The following CMIP variants were observed in gnomAD, a reference collection of about 807,000 sequenced individuals.
CMIP encodes c-Maf inducing protein, also known as C-Maf-inducing protein.
In CMIP, 13 loss-of-function variants were observed where a neutral mutation model predicts 97.3. The observed-to-expected ratio is 0.13, with a 90% CI of 0.09 to 0.21. CMIP has a LOEUF of 0.21. Ranked by LOEUF, CMIP falls within the 10% of genes least tolerant of loss-of-function variation. CMIP has a pLI of 1.00. For missense variants in CMIP, 847 were observed against 1,024.9 expected (o/e 0.83, Z 2.37); for synonymous variants, 538 against 436.3 (o/e 1.23, Z -2.91).
In CMIP at chr16:81,616,153, A is replaced by ATT. The variant is rs11331169; in HGVS notation, c.427-4705_427-4704dup. On this transcript the variant is annotated intron_variant, in intron 2 of 20. Coordinates refer to ENST00000537098, the MANE Select transcript of CMIP (RefSeq NM_198390.3). This position sits in a 1 kb window ranked among gnomAD's most constrained non-coding sequence, Gnocchi z 4.7. ...ACATGTCATTAATTCATTCAGCTGT[A>ATT]TTTTTTTTTTTTTTTTTTTAACACC... Among the ~76,000 whole-genome samples, 18 of 132,720 alleles carry ATT rather than the reference A, an allele frequency of 1.4e-4. No homozygotes were observed. Among genetic ancestry groups the ATT allele is most frequent in the East Asian group, 6.6e-4 (3 of 4,538 alleles). 87.1% of individuals were successfully genotyped at this position (132,720 alleles called of 152,430 possible). A position where few individuals can be genotyped will look rare whatever the true frequency, so the allele number is the denominator to read the frequency against.
At chr16:81,570,294 G>A (rs2091063501) in intron 1 of CMIP, among the ~76,000 whole-genome samples, 1 of 152,138 alleles carries the variant, frequency 6.6e-6, no homozygotes, top group Non-Finnish European at 1.5e-5. Context: ...CTAGCACCCC[G>A]TGTTGTCAGT....
chr16:81,607,263 C>T (rs1001206035), intron 1 of CMIP, among the ~76,000 whole-genome samples: 1 of 152,222 alleles, frequency 6.6e-6, no homozygotes, highest in Non-Finnish European at 1.5e-5. Flanking sequence ...CCACTCCCTG[C>T]GCTGGCCCCG....
intron 1 of CMIP, among the ~76,000 whole-genome samples, chr16:81,564,598 C>T (rs963638877): frequency 7.9e-5 from 12 of 152,186 alleles, no homozygotes; most frequent in East Asian, 3.9e-4. Context: ...CTCGAGGCTG[C>T]GCCGCAGTGC....
chr16:81,515,301 A>G (rs1365276447), intron 1 of CMIP, among the ~76,000 whole-genome samples: 1 of 152,160 alleles, frequency 6.6e-6, no homozygotes, highest in Non-Finnish European at 1.5e-5. Context: ...AGCTGAAAGG[A>G]ACACCTTGGC....
intron 1 of CMIP, among the ~76,000 whole-genome samples, chr16:81,527,670 C>T (rs2090158467): frequency 6.6e-6 from 1 of 152,188 alleles, no homozygotes; most frequent in Admixed American, 6.5e-5. Flanking sequence ...TTTTTAGAAG[C>T]TTCAACTTTA....
At chr16:81,596,812 G>A (rs2091565157) in intron 1 of CMIP, among the ~76,000 whole-genome samples, 1 of 152,144 alleles carries the variant, frequency 6.6e-6, no homozygotes, top group African/African-American at 2.4e-5. Context: ...CAGACAATTG[G>A]TCACCCCAAT....
chr16:81,523,164 C>T (rs1359870950), intron 1 of CMIP, among the ~76,000 whole-genome samples: 1 of 152,330 alleles, frequency 6.6e-6, no homozygotes, highest in African/African-American at 2.4e-5. Flanking sequence ...AAGTGATCCT[C>T]CTGCCTTGGC....
chr16:81,507,145 A>C (rs1004163476), intron 1 of CMIP, among the ~76,000 whole-genome samples: 1 of 151,830 alleles, frequency 6.6e-6, no homozygotes, highest in Admixed American at 6.6e-5. Context: ...AGTCCCAGCT[A>C]CTCAGGAGGC....
Position 81,531,623 on chromosome 16 carries a change from C to A in CMIP, c.301-75944C>A, listed in dbSNP as rs2090237440. ...CTCACATGGCTTGAGGAGGCTCGGG[C>A]CACACCTCGAGGGGCAAGCCTGGGC... On this transcript the variant is annotated intron_variant, in intron 1 of 20. Transcript: ENST00000537098. 2.6e-5 allele frequency among the ~76,000 whole-genome samples: 4 copies of A among 152,310 alleles called. No homozygotes were observed. In the Middle Eastern group the frequency reaches 0.014, roughly 518 times the overall value.
chr16:81,491,065 G>A (rs1158269845), intron 1 of CMIP, among the ~76,000 whole-genome samples: 3 of 152,162 alleles, frequency 2.0e-5, no homozygotes, highest in East Asian at 1.9e-4. Context: ...TGGGCTGCGC[G>A]GGCTGAGCTG....
In CMIP at chr16:81,652,493, G is replaced by C. The variant is rs1321229005; in HGVS notation, c.639+129G>C. On this transcript the variant is annotated intron_variant, in intron 4 of 20. Transcript: ENST00000537098. This position sits in a 1 kb window ranked among gnomAD's most constrained non-coding sequence, Gnocchi z 5.2. Reference sequence around the variant, plus strand: ...TGTTGTTGCCCTGCTGCCGAAGGAGGTGAGCAGTTGCCCACCCAGCCGTGT... The same window carrying C: ...TGTTGTTGCCCTGCTGCCGAAGGAGCTGAGCAGTTGCCCACCCAGCCGTGT... 2.5e-6 allele frequency: 2 copies of C among 799,944 alleles called. No homozygotes were observed. The highest frequency in any genetic ancestry group is 5.6e-5 in the Admixed American group (2 of 35,924). 49.6% of individuals were successfully genotyped at this position (799,944 alleles called of 1,614,324 possible).
chr16:81,684,417 T>A (rs921460400), intron 10 of CMIP, among the ~76,000 whole-genome samples: 1 of 152,246 alleles, frequency 6.6e-6, no homozygotes, highest in Non-Finnish European at 1.5e-5. Context: ...CGCCACGTTC[T>A]GCCCGTGACT....
intron 3 of CMIP, among the ~76,000 whole-genome samples, chr16:81,640,286 GCC>G (rs35478251): frequency 0.045 from 5,821 of 129,172 alleles, 149 homozygotes; most frequent in East Asian, 0.091. Flanking sequence ...AGGACATCAG[GCC>G]CCCCCCCCCC....
intron 1 of CMIP, among the ~76,000 whole-genome samples, chr16:81,446,020 T>C (rs1905818640): frequency 6.6e-6 from 1 of 151,922 alleles, no homozygotes; most frequent in African/African-American, 2.4e-5. Flanking sequence ...CCAAAGAATT[T>C]CCAGAAGCCA....
intron 1 of CMIP, among the ~76,000 whole-genome samples, chr16:81,457,173 G>C (rs561297900): frequency 6.7e-6 from 1 of 149,304 alleles, no homozygotes; most frequent in Non-Finnish European, 1.5e-5. Flanking sequence ...GAACCCCTCC[G>C]ACCCCCCCGC....
At chr16:81,642,151 C>T (rs75372491) in intron 3 of CMIP, among the ~76,000 whole-genome samples, 2,297 of 152,326 alleles carry the variant, frequency 0.015, 48 homozygotes, top group African/African-American at 0.044. Context: ...ACCCAGTGTG[C>T]GTGCTTGCTG....
intron 1 of CMIP, among the ~76,000 whole-genome samples, chr16:81,474,425 G>C (rs958012353): frequency 2.6e-5 from 4 of 151,848 alleles, no homozygotes; most frequent in African/African-American, 4.8e-5. Flanking sequence ...CCATTCATCT[G>C]GTGCTTACCG....
At chr16:81,599,219 TAAC>T (rs1207637975) in intron 1 of CMIP, among the ~76,000 whole-genome samples, 1 of 151,490 alleles carries the variant, frequency 6.6e-6, no homozygotes, top group African/African-American at 2.4e-5. Context: ...ACAGTAATAA[TAAC>T]AACAGCCCCG....
At chr16:81,666,850 TAAC>T (rs1254949218) in intron 7 of CMIP, 1 of 152,228 alleles carries the variant, frequency 6.6e-6, no homozygotes, top group Non-Finnish European at 1.5e-5. Flanking sequence ...CATGGAATCC[TAAC>T]AACACAGGCG....
Sources: allele counts gnomAD v4.1 joint callset (sites outside exome capture counted in the v4.1 genomes callset), GRCh38; gene constraint gnomAD v4.1.1; non-coding constraint Gnocchi (gnomAD v3.1); transcripts MANE v1.5; gene names NCBI Gene and HGNC (gene_info 2026-07-23, HGNC 2026-07-21).